The following CFAP100 variants were observed in gnomAD, a reference collection of about 807,000 sequenced individuals.
CFAP100 encodes the protein cilia and flagella associated protein 100.
In CFAP100, 70 loss-of-function variants were observed where a neutral mutation model predicts 81.5. The observed-to-expected ratio is 0.86, with a 90% confidence interval of 0.71 to 1.05. The LOEUF is 1.05. Ranked by LOEUF, CFAP100 falls within the 50% of genes least tolerant of loss-of-function variation. The pLI, the probability that CFAP100 is intolerant of heterozygous loss-of-function variation, is 0.00. For missense variants in CFAP100, 811 were observed against 776.5 expected, an observed-to-expected ratio of 1.04 and a Z score of -0.53; for synonymous variants, 341 against 314.8, an observed-to-expected ratio of 1.08 and a Z score of -0.88.
chr3:126,414,306 T>C (rs2083200349), intron 4 of CFAP100, 127 bp downstream of exon 4: 1 of 779,840 alleles, frequency 1.3e-6, no homozygotes, highest in South Asian at 1.3e-5. Flanking sequence ...GAATAGTCAA[T>C]AGCTCACCAC....
chr3:126,418,919 G>C lies in CFAP100; in HGVS notation c.650+145G>C, dbSNP rs998510958. On this transcript the variant is annotated intron_variant, in intron 7 of 16. Coordinates refer to ENST00000352312, the MANE Select transcript of CFAP100 (RefSeq NM_182628.3). Reference sequence around the variant, plus strand: ...AGGGCCGGTCGGGAGCCAAGGGCAGGGGACACTACGGGCAAAAGGCTTAAC... The same window carrying C: ...AGGGCCGGTCGGGAGCCAAGGGCAGCGGACACTACGGGCAAAAGGCTTAAC... 4.6e-6 allele frequency: 5 copies of C among 1,087,652 alleles called. No individual in the cohort carries two copies. The African/African-American group carries it at 8.0e-5, about 17-fold the overall frequency. The allele number at this position is 1,087,652 out of a possible 1,614,324, so 67.4% of individuals were successfully genotyped here. A position where few individuals can be genotyped will look rare whatever the true frequency, so the allele number is the denominator to read the frequency against.
chr3:126,400,657 C>T (rs1356509297), intron 2 of CFAP100, among the ~76,000 whole-genome samples: 1 of 152,024 alleles, frequency 6.6e-6, no homozygotes, highest in African/African-American at 2.4e-5. Context: ...GAGGCTGAGG[C>T]AGGAGAATGG....
chr3:126,416,227 C>CCGCGTCCCCGGCCTCAGGTACG, intron 4 of CFAP100, 89 bp from the exon 5 acceptor site: 1 of 1,096,178 alleles, frequency 9.1e-7, no homozygotes, highest in Non-Finnish European at 1.3e-6. Flanking sequence ...GCGCGCAAAC[C>CCGCGTCCCCGGCCTCAGGTACG]CGCGTCCCTA....
chr3:126,404,617 G>C (rs886116776), intron 2 of CFAP100, among the ~76,000 whole-genome samples: 1 of 152,234 alleles, frequency 6.6e-6, no homozygotes, highest in African/African-American at 2.4e-5. Flanking sequence ...ACAAAGTCTA[G>C]TGATTGGAAG....
chr3:126,423,122 G>T (rs1343762459), intron 11 of CFAP100, among the ~76,000 whole-genome samples: 1 of 152,226 alleles, frequency 6.6e-6, no homozygotes, highest in Non-Finnish European at 1.5e-5. Flanking sequence ...TTGGGAAAAT[G>T]AGTGGATTGA....
chr3:126,419,142 T>A lies in CFAP100; in HGVS notation c.717T>A (p.Ile239=), dbSNP rs376181155. 1.3e-6 allele frequency: 2 copies of A among 1,577,942 alleles called. No homozygotes were observed. The highest frequency in any genetic ancestry group is 1.7e-6 in the Non-Finnish European group (2 of 1,160,428). Residue 239 remains isoleucine (I), a synonymous_variant, in exon 8 of 17, where the codon ATT becomes ATA. Coordinates refer to ENST00000352312, the MANE Select transcript of CFAP100 (RefSeq NM_182628.3). Reference sequence around the variant, plus strand: ...AGATCCGGGACCTCACCACCCAGATTGTTAATATCAAAAGGTGAGGTCAGA... The same window carrying A: ...AGATCCGGGACCTCACCACCCAGATAGTTAATATCAAAAGGTGAGGTCAGA... ...ILEIRDLTTQ[I]VNIKSEISRF... is the part of the protein sequence containing the mutation.
At chr3:126,419,267 C>G in intron 8 of CFAP100, 111 bp downstream of exon 8, 1 of 689,336 alleles carries the variant, frequency 1.5e-6, no homozygotes, top group Non-Finnish European at 2.5e-6. Flanking sequence ...CTTTACCTCC[C>G]AGGGACTCTG....
chr3:126,402,268 G>A (rs1362083488), intron 2 of CFAP100, among the ~76,000 whole-genome samples: 2 of 152,222 alleles, frequency 1.3e-5, no homozygotes, highest in African/African-American at 4.8e-5. Context: ...TATTATTGCT[G>A]TGTGGTGAGG....
chr3:126,409,623 T>C (rs942912505), intron 3 of CFAP100, among the ~76,000 whole-genome samples: 1 of 152,262 alleles, frequency 6.6e-6, no homozygotes, highest in Non-Finnish European at 1.5e-5. Flanking sequence ...TCGATCCTTT[T>C]AATATGACTT....
chr3:126,417,252 G>T (rs1399761623), intron 5 of CFAP100, among the ~76,000 whole-genome samples: 1 of 152,120 alleles, frequency 6.6e-6, no homozygotes, highest in Non-Finnish European at 1.5e-5. Flanking sequence ...CCAGCCTCAT[G>T]GATTGTGGGG....
At chr3:126,402,416 G>A (rs543048521) in intron 2 of CFAP100, among the ~76,000 whole-genome samples, 2 of 152,338 alleles carry the variant, frequency 1.3e-5, no homozygotes, top group African/African-American at 4.8e-5. Context: ...AAAGGGGGAC[G>A]TGGGCAGGAG....
chr3:126,423,272 C>T (rs2092259401), intron 11 of CFAP100, 53 bp from the exon 12 acceptor site: 1 of 1,504,046 alleles, frequency 6.6e-7, no homozygotes, highest in East Asian at 2.3e-5. Flanking sequence ...CCTCCCCTGG[C>T]TCCTGTCTGC....
intron 2 of CFAP100, among the ~76,000 whole-genome samples, chr3:126,402,573 G>A (rs907354979): frequency 6.6e-6 from 1 of 152,160 alleles, no homozygotes; most frequent in East Asian, 1.9e-4. Context: ...GGGATCAGTG[G>A]TCCTGAGAGT....
At chr3:126,420,345 C>T (rs1375388852) in intron 11 of CFAP100, 116 bp downstream of exon 11, 2 of 1,408,458 alleles carry the variant, frequency 1.4e-6, no homozygotes, top group Non-Finnish European at 9.5e-7. Context: ...TACTCACAGT[C>T]CCTACTCCAA....
At chr3:126,433,268 AG>A in intron 14 of CFAP100, 64 bp downstream of exon 14, 1 of 1,583,338 alleles carries the variant, frequency 6.3e-7, no homozygotes, top group Non-Finnish European at 8.6e-7. Context: ...CACCCACTGG[AG>A]GAGCCCTGAC....
chr3:126,414,205 A>T (rs2083198615), intron 4 of CFAP100, 26 bp downstream of exon 4: 1 of 1,554,694 alleles, frequency 6.4e-7, no homozygotes, highest in Non-Finnish European at 8.9e-7. Flanking sequence ...AGACGCCAGC[A>T]CCTCCGGGAG....
intron 2 of CFAP100, among the ~76,000 whole-genome samples, chr3:126,397,835 G>T (rs990642562): frequency 2.6e-5 from 4 of 152,252 alleles, no homozygotes; most frequent in Non-Finnish European, 5.9e-5. Context: ...GGAGTGAGAG[G>T]TTTGGGGATG....
chr3:126,433,299 G>A lies in CFAP100; in HGVS notation c.1422+95G>A, dbSNP rs376445825. 9.7e-5 allele frequency: 143 copies of A among 1,469,924 alleles called. 2 individuals are homozygous for A. Among genetic ancestry groups the A allele is most frequent in the East Asian group, 1.8e-4 (8 of 43,860 alleles). 91.1% of individuals were successfully genotyped at this position (1,469,924 alleles called of 1,614,324 possible). On this transcript the variant is annotated intron_variant, in intron 14 of 16. Transcript: ENST00000352312. The stretch of plus-strand genomic sequence containing the variant: ...CCTGACAGCCCTTGGGAAGATGGAG[G>A]ACAAGGCCCGGGTGAGTGCCCTGCA...
At chr3:126,420,295 T>C in intron 11 of CFAP100, 66 bp downstream of exon 11, 4 of 1,593,302 alleles carry the variant, frequency 2.5e-6, no homozygotes, top group Non-Finnish European at 2.6e-6. Context: ...GTGGCACCCA[T>C]GTGTAGTCAG....
Sources: allele counts gnomAD v4.1 joint callset (sites outside exome capture counted in the v4.1 genomes callset), GRCh38; gene constraint gnomAD v4.1.1; transcripts MANE v1.5; gene names NCBI Gene and HGNC (gene_info 2026-07-23, HGNC 2026-07-21).